Variants in CCSER1 observed in about 807,000 individuals in gnomAD.
The protein encoded by CCSER1 is serine-rich coiled-coil domain-containing protein 1.
CCSER1 carries 41 observed loss-of-function variants against 82.0 expected under a neutral mutation model. The ratio of observed to expected loss-of-function variants is 0.50; its 90% CI spans 0.39 to 0.65. CCSER1 has a LOEUF of 0.65. Among genes scored for constraint, CCSER1 ranks in the 30% least tolerant of loss-of-function variants. The pLI is 0.00. For missense variants in CCSER1, 1,119 were observed against 1,064.2 expected, an observed-to-expected ratio of 1.05 and a Z score of -0.72; for synonymous variants, 414 against 383.9, an observed-to-expected ratio of 1.08 and a Z score of -0.92.
At chr4:91,572,167 C>CT (rs1190957084) in intron 10 of CCSER1, among the ~76,000 whole-genome samples, 1 of 152,140 alleles carries the variant, frequency 6.6e-6, no homozygotes, top group African/African-American at 2.4e-5. Flanking sequence ...AATCTGGCCA[C>CT]TTTTTTGTAG....
At chr4:90,565,081 T>C (rs1310917821) in intron 5 of CCSER1, among the ~76,000 whole-genome samples, 2 of 151,872 alleles carry the variant, frequency 1.3e-5, no homozygotes, top group Admixed American at 6.6e-5. Flanking sequence ...TATTGATAGG[T>C]ATTGTGTTAA....
intron 10 of CCSER1, among the ~76,000 whole-genome samples, chr4:91,228,206 A>C (rs1231181252): frequency 6.6e-6 from 1 of 152,082 alleles, no homozygotes; most frequent in Admixed American, 6.6e-5. Context: ...GTATCCTGCT[A>C]CTCGGTTTCT....
intron 6 of CCSER1, among the ~76,000 whole-genome samples, chr4:90,688,647 G>T (rs1735252346): frequency 6.6e-6 from 1 of 151,932 alleles, no homozygotes; most frequent in Non-Finnish European, 1.5e-5. Flanking sequence ...TTTTATGATG[G>T]TGGTTATGTG....
At chr4:90,192,177 T>C (rs565398627) in intron 1 of CCSER1, among the ~76,000 whole-genome samples, 1 of 152,128 alleles carries the variant, frequency 6.6e-6, no homozygotes, top group South Asian at 2.1e-4. Context: ...GCAAGTCACA[T>C]GTTACGTGGA....
intron 9 of CCSER1, among the ~76,000 whole-genome samples, chr4:91,077,239 T>C (rs1330665260): frequency 6.6e-6 from 1 of 152,064 alleles, no homozygotes; most frequent in Non-Finnish European, 1.5e-5. Context: ...AAATTAACAC[T>C]AAAGACTACT....
chr4:91,205,889 C>T (rs1736303430), intron 10 of CCSER1, among the ~76,000 whole-genome samples: 1 of 151,694 alleles, frequency 6.6e-6, no homozygotes, highest in African/African-American at 2.4e-5. Context: ...GTGAAAAGTA[C>T]TGAGAATAGA....
chr4:90,156,501 G>C, intron 1 of CCSER1, among the ~76,000 whole-genome samples: 1 of 152,092 alleles, frequency 6.6e-6, no homozygotes, highest in East Asian at 1.9e-4. Flanking sequence ...TTAATGTTTG[G>C]GAGTCTAAGT....
At chr4:91,201,899 A>G (rs12642954) in intron 10 of CCSER1, among the ~76,000 whole-genome samples, 8,117 of 152,088 alleles carry the variant, frequency 0.053, 519 homozygotes, top group East Asian at 0.31. Flanking sequence ...ATGGTTATTA[A>G]CAATAGGCCA....
At chr4:90,289,822 C>A (rs1445861820) in intron 1 of CCSER1, among the ~76,000 whole-genome samples, 7 of 151,662 alleles carry the variant, frequency 4.6e-5, no homozygotes, top group African/African-American at 1.7e-4. Flanking sequence ...GGTCTAAGCC[C>A]TCAACTTCTT....
chr4:90,176,298 A>G (rs1333350438), intron 1 of CCSER1, among the ~76,000 whole-genome samples: 2 of 152,048 alleles, frequency 1.3e-5, no homozygotes, highest in Non-Finnish European at 2.9e-5. Flanking sequence ...ACAATTAGTC[A>G]TCATAGTATC....
chr4:90,872,534 CT>C (rs1283736981), intron 8 of CCSER1, among the ~76,000 whole-genome samples: 2 of 151,776 alleles, frequency 1.3e-5, no homozygotes, highest in Non-Finnish European at 2.9e-5. Flanking sequence ...AGTTTTCTTA[CT>C]TTTTGTTGCT....
chr4:91,025,801 T>C (rs906112491), intron 9 of CCSER1, among the ~76,000 whole-genome samples: 5 of 152,148 alleles, frequency 3.3e-5, no homozygotes, highest in Admixed American at 6.6e-5. Flanking sequence ...AAGAATCTTA[T>C]TCTGTTTTTA....
intron 9 of CCSER1, among the ~76,000 whole-genome samples, chr4:91,082,985 T>A (rs576879563): frequency 4.2e-4 from 64 of 152,194 alleles, no homozygotes; most frequent in Non-Finnish European, 6.2e-4. Flanking sequence ...AGTTCAACCA[T>A]TGTGGAAGAC....
At chr4:90,167,555 T>C (rs1730713938) in intron 1 of CCSER1, among the ~76,000 whole-genome samples, 1 of 152,294 alleles carries the variant, frequency 6.6e-6, no homozygotes, top group South Asian at 2.1e-4. Context: ...ACATGTGCCA[T>C]GTTGGTGCGC....
At chr4:90,491,734 T>C (rs559592574) in intron 5 of CCSER1, among the ~76,000 whole-genome samples, 1 of 152,350 alleles carries the variant, frequency 6.6e-6, no homozygotes, top group South Asian at 2.1e-4. Flanking sequence ...GAAGTGTTGT[T>C]GAATTTTGTC....
chr4:91,550,833 C>T (rs185926345), intron 10 of CCSER1, among the ~76,000 whole-genome samples: 11 of 152,176 alleles, frequency 7.2e-5, no homozygotes, highest in East Asian at 1.9e-4. Flanking sequence ...TCTGAATATG[C>T]GCAAAGCAAA....
chr4:90,935,166 C>T (rs930219770), intron 9 of CCSER1, among the ~76,000 whole-genome samples: 2 of 152,068 alleles, frequency 1.3e-5, no homozygotes, highest in African/African-American at 4.8e-5. Context: ...TTGCCTCCAA[C>T]TCTCATGCTG....
intron 10 of CCSER1, among the ~76,000 whole-genome samples, chr4:91,319,958 A>C (rs1746082941): frequency 6.6e-6 from 1 of 152,040 alleles, no homozygotes; most frequent in Non-Finnish European, 1.5e-5. Flanking sequence ...CTACATTCAG[A>C]GTAGCGCGAT....
At position 91,136,741 on chromosome 4, in the gene CCSER1, T is replaced by G. The variant is rs187445226; in HGVS notation, c.2217+50747T>G. Among the ~76,000 whole-genome samples the G allele has an allele frequency of 7.6e-4, 116 of 152,290 alleles. No individual in the cohort carries two copies. The Middle Eastern group carries it at 0.014, about 18-fold the overall frequency. Reference sequence around the variant, plus strand: ...GATAAAGATAGGTTTTATCAAAATCTATTTATTCATTTTGAGTTATTTTAT... The same window carrying G: ...GATAAAGATAGGTTTTATCAAAATCGATTTATTCATTTTGAGTTATTTTAT... On this transcript the variant is annotated intron_variant, in intron 10 of 10. Transcript: ENST00000509176.
Sources: gnomAD v4.1 joint callset for allele counts (sites outside exome capture counted in the v4.1 genomes callset) on GRCh38, gnomAD v4.1.1 for gene constraint, MANE v1.5 for transcripts, NCBI Gene and HGNC (gene_info 2026-07-23, HGNC 2026-07-21) for gene names.